The following ADPRHL1 variants were observed in gnomAD, a reference collection of about 807,000 sequenced individuals.
The protein encoded by ADPRHL1 is inactive ADP-ribosyltransferase ARH2.
Under a neutral mutation model 44.1 loss-of-function variants are expected in ADPRHL1, and 43 were observed. That is an observed-to-expected ratio of 0.98 (90% CI 0.76 to 1.26). ADPRHL1 has a LOEUF of 1.26. Among genes scored for constraint, ADPRHL1 ranks in the 50% most tolerant of loss-of-function variants. The pLI is 0.00. For missense variants in ADPRHL1, 2,022 were observed against 2,496.9 expected (o/e 0.81, Z 4.05); for synonymous variants, 878 against 1,017.4 (o/e 0.86, Z 2.61).
Position 113,453,410 on chromosome 13 carries a change from G to C in ADPRHL1, c.28C>G (p.Leu10Val), listed in dbSNP as rs762504305. The C allele has an allele frequency of 2.5e-6, 4 of 1,614,130 alleles. No homozygotes were observed. The highest frequency in any genetic ancestry group is 3.4e-6 in the Non-Finnish European group (4 of 1,180,036). The change falls in exon 1 of 8, where the codon CTG becomes GTG. Residue 10 changes from leucine (L) to valine (V), a missense_variant. By Grantham distance (32) the Leu-to-Val change is conservative. Transcript: ENST00000612156. The surrounding 1 kb of genome is among the most constrained non-coding windows in gnomAD (Gnocchi z 5.4). ...CCAAGAGCATCGCCGACGCTCCCCAGCAACATCGCAGCCTTAAATTTCTCC... is the reference window on the plus strand; with the variant it reads ...CCAAGAGCATCGCCGACGCTCCCCACCAACATCGCAGCCTTAAATTTCTCC... MEKFKAAMLLGSVGDALGYR... is the reference protein window; with the variant it reads MEKFKAAMLVGSVGDALGYR...
At chr13:113,431,808 C>G (rs565649110) in intron 3 of ADPRHL1, among the ~76,000 whole-genome samples, 1 of 151,124 alleles carries the variant, frequency 6.6e-6, no homozygotes, top group African/African-American at 2.4e-5. Flanking sequence ...CTCCACCTCC[C>G]GGGTTCAAGC....
At chr13:113,445,505 A>G (rs771195687) in intron 1 of ADPRHL1, among the ~76,000 whole-genome samples, 51 of 152,196 alleles carry the variant, frequency 3.4e-4, no homozygotes, top group Middle Eastern at 3.2e-3. Context: ...ACACCCAGCA[A>G]CTTGTTTTCA....
chr13:113,446,181 AG>A (rs2044136438), intron 1 of ADPRHL1, among the ~76,000 whole-genome samples: 1 of 106,956 alleles, frequency 9.3e-6, no homozygotes, highest in Non-Finnish European at 1.7e-5. Flanking sequence ...CAAACCCTCC[AG>A]AGAAAACAAG....
Position 113,407,363 on chromosome 13 carries a change from AT to A in ADPRHL1, c.1918del (p.Ile640SerfsTer50). On this transcript the variant is annotated frameshift_variant, in exon 8 of 8. Coordinates refer to ENST00000612156, the MANE Select transcript of ADPRHL1 (RefSeq NM_001394807.1). LOFTEE classifies it low-confidence loss of function (END_TRUNC). The part of the protein sequence containing the change: ...PRSWLSHCTK[I>X]SHSEARRPPR... ...TGGACGCCTTGCCTCCGAGTGGCTGATTTTGGTGCAGTGGGACAGCCAGCTC... is the reference window on the plus strand; with the variant it reads ...TGGACGCCTTGCCTCCGAGTGGCTGATTTGGTGCAGTGGGACAGCCAGCTC... 8.1e-7 allele frequency: 1 copy of A among 1,231,894 alleles called. No homozygotes were observed. Among genetic ancestry groups the A allele is most frequent in the Non-Finnish European group, 1.0e-6 (1 of 988,030 alleles). The allele number at this position is 1,231,894 out of a possible 1,614,324, so 76.3% of individuals were successfully genotyped here.
chr13:113,410,412 G>A (rs963411505), intron 7 of ADPRHL1, among the ~76,000 whole-genome samples: 1 of 152,112 alleles, frequency 6.6e-6, no homozygotes, highest in African/African-American at 2.4e-5. Context: ...CCGCTGGTCC[G>A]GGGACCCCAC....
chr13:113,425,099 T>G lies in ADPRHL1; in HGVS notation c.727A>C (p.Asn243His), dbSNP rs1171296805. Residue 243 changes from asparagine to histidine, a missense_variant, in exon 5 of 8, where the codon AAT becomes CAT. Physicochemically the swap from Asn to His is moderately conservative, Grantham distance 68. Transcript: ENST00000612156. ...EERKISKDSE[N>H]KAIFPDNYDA... ...TAATTGTCGGGGAAGATGGCTTTAT[T>G]TTCTGAGTCTTTACTGATTTTCCTC... 1 of 1,613,662 alleles carries G rather than the reference T, an allele frequency of 6.2e-7. No individual in the cohort carries two copies. Among genetic ancestry groups the G allele is most frequent in the African/African-American group, 1.3e-5 (1 of 74,976 alleles).
chr13:113,428,942 A>G lies in ADPRHL1; in HGVS notation c.646+10T>C, dbSNP rs1463587277. The G allele has an allele frequency of 1.9e-6, 3 of 1,611,792 alleles. No individual in the cohort carries two copies. Among genetic ancestry groups the G allele is most frequent in the Non-Finnish European group, 1.7e-6 (2 of 1,179,916 alleles). On this transcript the variant is annotated intron_variant, in intron 4 of 7. Transcript: ENST00000612156. The stretch of plus-strand genomic sequence containing the variant: ...TCTGAGTGCGGACTGGGGCCGGGGG[A>G]GCGGCTCACCTGCCGTGTGCCGGAT...
chr13:113,419,284 T>A (rs2043904045), intron 7 of ADPRHL1, among the ~76,000 whole-genome samples: 1 of 109,006 alleles, frequency 9.2e-6, no homozygotes. Context: ...TTTTGTATTT[T>A]TTTTTTTTTT....
chr13:113,444,477 C>T lies in ADPRHL1; in HGVS notation c.327G>A (p.Gln109=), dbSNP rs368794023. ...PDPATIEGCA[Q]LKPNNYLLAW... is the part of the protein sequence containing the mutation. ...CGAGAAGGTAGTTATTGGGCTTTAG[C>T]TGAGCACAGCCTTCAATGGTAGCTG... The change falls in exon 2 of 8, where the codon CAG becomes CAA. Residue 109 remains glutamine, a synonymous_variant. Coordinates refer to ENST00000612156, the MANE Select transcript of ADPRHL1 (RefSeq NM_001394807.1). The T allele has an allele frequency of 4.3e-6, 7 of 1,614,086 alleles. No individual in the cohort carries two copies. Among genetic ancestry groups the T allele is most frequent in the Non-Finnish European group, 5.9e-6 (7 of 1,180,046 alleles).
chr13:113,425,892 G>A (rs982426158), intron 4 of ADPRHL1, among the ~76,000 whole-genome samples: 1 of 151,908 alleles, frequency 6.6e-6, no homozygotes, highest in African/African-American at 2.4e-5. Flanking sequence ...TATTGGCCGG[G>A]CTGGTCTCGA....
At position 113,422,963 on chromosome 13, in the gene ADPRHL1, C is replaced by G; in HGVS notation, c.924G>C (p.Thr308=). ...CGAACAGGCAGCCTGCAATGGTGCCCGTGGCCGCGCTCTCCCCTGAAACGC... is the reference window on the plus strand; with the variant it reads ...CGAACAGGCAGCCTGCAATGGTGCCGGTGGCCGCGCTCTCCCCTGAAACGC... ...AMFHGGESAA[T]GTIAGCLFGL... Residue 308 remains threonine, a synonymous_variant, in exon 7 of 8, where the codon ACG becomes ACC. Transcript: ENST00000612156. 1 of 1,612,848 alleles carries G rather than the reference C, an allele frequency of 6.2e-7. No homozygotes were observed. The highest frequency in any genetic ancestry group is 8.5e-7 in the Non-Finnish European group (1 of 1,179,972).
chr13:113,438,839 G>A (rs2044078812), intron 2 of ADPRHL1, among the ~76,000 whole-genome samples: 1 of 152,028 alleles, frequency 6.6e-6, no homozygotes, highest in African/African-American at 2.4e-5. Context: ...GTCCATTTTT[G>A]TATGGGGTTG....
chr13:113,453,438 C>G lies in ADPRHL1; in HGVS notation c.-1G>C. On this transcript the variant is annotated 5_prime_UTR_variant, in exon 1 of 8. Coordinates refer to ENST00000612156, the MANE Select transcript of ADPRHL1 (RefSeq NM_001394807.1). The surrounding 1 kb of genome is among the most constrained non-coding windows in gnomAD (Gnocchi z 5.4). The stretch of plus-strand genomic sequence containing the variant: ...ACATCGCAGCCTTAAATTTCTCCAT[C>G]CCAGGAGGCAGCTCCTCTTCCCCAA... 6.2e-7 allele frequency: 1 copy of G among 1,614,034 alleles called. No homozygotes were observed. The highest frequency in any genetic ancestry group is 8.5e-7 in the Non-Finnish European group (1 of 1,180,018).
chr13:113,453,072 A>G lies in ADPRHL1; in HGVS notation c.214+152T>C. ...CGCATATCAAATTTGAGGGACACTCAGATTAAATTGCCACTTTTAGCAGCG... is the reference window on the plus strand; with the variant it reads ...CGCATATCAAATTTGAGGGACACTCGGATTAAATTGCCACTTTTAGCAGCG... On this transcript the variant is annotated intron_variant, in intron 1 of 7. Transcript: ENST00000612156. This position sits in a 1 kb window ranked among gnomAD's most constrained non-coding sequence, Gnocchi z 5.4. The G allele has an allele frequency of 3.9e-6, 3 of 769,770 alleles. No homozygotes were observed. Among genetic ancestry groups the G allele is most frequent in the Non-Finnish European group, 6.2e-6 (3 of 483,314 alleles). The allele number at this position is 769,770 out of a possible 1,614,324, so 47.7% of individuals were successfully genotyped here.
rs9549405 is a variant in ADPRHL1, at chr13:113,400,435, T to C, written c.*2943A>G. 0.64 allele frequency: 96,100 copies of C among 149,670 alleles called. 31,648 individuals carry two copies. Among genetic ancestry groups the C allele is most frequent in the African/African-American group, 0.77 (31,516 of 40,760 alleles). 9.3% of individuals were successfully genotyped at this position (149,670 alleles called of 1,614,324 possible). A position where few individuals can be genotyped will look rare whatever the true frequency, so the allele number is the denominator to read the frequency against. ...CTGGGATTACAGGCATGAGCCACCG[T>C]GCCCGGCCACTTTCTTTCTTTCTTT... On this transcript the variant is annotated 3_prime_UTR_variant, in exon 8 of 8. Coordinates refer to ENST00000612156, the MANE Select transcript of ADPRHL1 (RefSeq NM_001394807.1).
At chr13:113,448,703 T>A (rs1214501036) in intron 1 of ADPRHL1, among the ~76,000 whole-genome samples, 2 of 152,104 alleles carry the variant, frequency 1.3e-5, no homozygotes, top group Non-Finnish European at 2.9e-5. Flanking sequence ...GCCATCCTGC[T>A]GGGCCCTGAA....
intron 2 of ADPRHL1, among the ~76,000 whole-genome samples, chr13:113,437,121 C>T (rs564275523): frequency 9.5e-5 from 14 of 147,454 alleles, no homozygotes; most frequent in Admixed American, 3.4e-4. Context: ...ACCCAGCACC[C>T]ACACGTAGAG....
intron 3 of ADPRHL1, among the ~76,000 whole-genome samples, chr13:113,430,860 C>A (rs548173746): frequency 6.6e-6 from 1 of 152,226 alleles, no homozygotes; most frequent in African/African-American, 2.4e-5. Context: ...AGTTACAGTG[C>A]GAGTGGCCAT....
intron 1 of ADPRHL1, among the ~76,000 whole-genome samples, chr13:113,448,768 G>A (rs1008377110): frequency 1.3e-5 from 2 of 152,186 alleles, no homozygotes; most frequent in African/African-American, 2.4e-5. Context: ...TCGGCCACAC[G>A]GGCCTGCACC....
Sources: allele counts gnomAD v4.1 joint callset (sites outside exome capture counted in the v4.1 genomes callset), GRCh38; gene constraint gnomAD v4.1.1; non-coding constraint Gnocchi (gnomAD v3.1); transcripts MANE v1.5; gene names NCBI Gene and HGNC (gene_info 2026-07-23, HGNC 2026-07-21).